TPRG1: variants seen among roughly 807,000 people sequenced by gnomAD.
TPRG1 encodes tumor protein p63 regulated 1.
TPRG1 carries 29 observed loss-of-function variants against 29.3 expected under a neutral mutation model. That is an observed-to-expected ratio of 0.99 (90% CI 0.74 to 1.35). The LOEUF (loss-of-function observed/expected upper bound fraction) is 1.35, where lower values mean the gene tolerates loss of function less well. TPRG1 is among the 40% of genes most tolerant of loss of function. The pLI is 0.00. For missense variants in TPRG1, 327 were observed against 335.0 expected, an observed-to-expected ratio of 0.98 and a Z score of 0.19; for synonymous variants, 130 against 116.8, an observed-to-expected ratio of 1.11 and a Z score of -0.73.
intron 5 of TPRG1, among the ~76,000 whole-genome samples, chr3:189,162,207 C>T (rs1257219093): frequency 6.6e-6 from 1 of 152,070 alleles, no homozygotes; most frequent in Non-Finnish European, 1.5e-5. Context: ...TCTTGGCAGG[C>T]TGGTCTTGAA....
chr3:189,157,016 A>G (rs973932700), intron 5 of TPRG1, among the ~76,000 whole-genome samples: 2 of 152,182 alleles, frequency 1.3e-5, no homozygotes, highest in African/African-American at 4.8e-5. Context: ...ATTGTAGTCA[A>G]AGAAGCTATG....
chr3:189,181,658 C>T (rs976323878), intron 1 of TPRG1, among the ~76,000 whole-genome samples: 13 of 152,198 alleles, frequency 8.5e-5, no homozygotes, highest in African/African-American at 2.7e-4. Context: ...GACCACTCAG[C>T]AAGTCTCTAA....
At chr3:189,060,895 A>G (rs940375051) in intron 4 of TPRG1, among the ~76,000 whole-genome samples, 2 of 152,064 alleles carry the variant, frequency 1.3e-5, no homozygotes, top group Non-Finnish European at 2.9e-5. Context: ...ATTCAACACT[A>G]CTCCTCTCAA....
rs1742575400 is a variant in TPRG1 at position 189,253,313 on chromosome 3, T to G, written c.479+14404T>G. ...CCACTCATGTGGTGTTTGGAACCAC[T>G]CATGGGAGTTCTCATATGAACTCCC... On this transcript the variant is annotated intron_variant, in intron 4 of 5. Transcript: ENST00000345063. 2.0e-5 allele frequency among the ~76,000 whole-genome samples: 3 copies of G among 152,174 alleles called. No homozygotes were observed. In the South Asian group the frequency reaches 6.2e-4, roughly 32 times the overall value.
At chr3:189,027,921 G>A (rs1009662013) in intron 4 of TPRG1, among the ~76,000 whole-genome samples, 15 of 152,058 alleles carry the variant, frequency 9.9e-5, no homozygotes, top group South Asian at 2.1e-4. Flanking sequence ...GAGAACTGAC[G>A]TAGTGGCCAT....
At chr3:189,116,055 G>T (rs1721125930) in intron 1 of TPRG1, among the ~76,000 whole-genome samples, 1 of 152,142 alleles carries the variant, frequency 6.6e-6, no homozygotes, top group Non-Finnish European at 1.5e-5. Context: ...AAATGGTATA[G>T]CCAGTATGGG....
intron 1 of TPRG1, 63 bp from the exon 2 acceptor site, chr3:189,207,313 A>G (rs1372550642): frequency 1.3e-6 from 2 of 1,575,464 alleles, no homozygotes; most frequent in South Asian, 2.3e-5. Flanking sequence ...CTGTTTTGCC[A>G]TAGCTAGGAC....
chr3:189,262,452 C>A (rs1713287100), intron 4 of TPRG1, among the ~76,000 whole-genome samples: 2 of 152,020 alleles, frequency 1.3e-5, no homozygotes, highest in African/African-American at 4.8e-5. Context: ...CAAGTGTCAT[C>A]TGTTGAGCAC....
intron 4 of TPRG1, among the ~76,000 whole-genome samples, chr3:189,056,098 T>C (rs1299858906): frequency 3.9e-5 from 5 of 128,988 alleles, no homozygotes; most frequent in African/African-American, 8.5e-5. Context: ...CCTTCCTTCC[T>C]TCCCTCTTTC....
chr3:189,058,916 CA>C (rs1184749239), intron 4 of TPRG1, among the ~76,000 whole-genome samples: 1 of 152,134 alleles, frequency 6.6e-6, no homozygotes, highest in African/African-American at 2.4e-5. Context: ...CAGATACCAG[CA>C]AGCAAGATCG....
intron 5 of TPRG1, chr3:189,315,552 G>C (rs1186966648): frequency 2.2e-6 from 1 of 454,428 alleles, no homozygotes; most frequent in Admixed American, 2.4e-5. Context: ...GAATAGCAGT[G>C]AACGCATTAT....
intron 1 of TPRG1, among the ~76,000 whole-genome samples, chr3:189,187,869 T>C (rs1461752948): frequency 6.6e-6 from 1 of 152,226 alleles, no homozygotes; most frequent in African/African-American, 2.4e-5. Context: ...TCTGAAAGCG[T>C]TGACGTAATT....
intron 1 of TPRG1, among the ~76,000 whole-genome samples, chr3:189,181,296 G>A (rs989857864): frequency 6.6e-6 from 1 of 152,178 alleles, no homozygotes; most frequent in African/African-American, 2.4e-5. Flanking sequence ...TCTGCAGCCA[G>A]CTTGAATTTC....
At chr3:189,199,220 C>A (rs184673511) in intron 1 of TPRG1, among the ~76,000 whole-genome samples, 1 of 152,316 alleles carries the variant, frequency 6.6e-6, no homozygotes, top group Non-Finnish European at 1.5e-5. Context: ...CAATCTTATT[C>A]CTGTGACCTT....
At chr3:189,087,163 C>A (rs765232362) in intron 4 of TPRG1, among the ~76,000 whole-genome samples, 9 of 152,186 alleles carry the variant, frequency 5.9e-5, no homozygotes, top group Admixed American at 4.6e-4. Context: ...TCCTCTCCAG[C>A]ACCTGTTTTT....
chr3:189,019,975 C>T (rs912403355), intron 3 of TPRG1, among the ~76,000 whole-genome samples: 94 of 151,252 alleles, frequency 6.2e-4, no homozygotes, highest in African/African-American at 2.1e-3. Context: ...GTGTATGTGT[C>T]GAGGAATTTA....
At chr3:189,287,354 A>G (rs1003157835) in intron 4 of TPRG1, among the ~76,000 whole-genome samples, 6 of 152,048 alleles carry the variant, frequency 3.9e-5, no homozygotes, top group Non-Finnish European at 8.8e-5. Context: ...GTGGATGGCA[A>G]AAGAAAAAAA....
chr3:189,154,253 T>G (rs1046826872), intron 5 of TPRG1, among the ~76,000 whole-genome samples: 11 of 152,310 alleles, frequency 7.2e-5, no homozygotes, highest in Middle Eastern at 3.4e-3. Context: ...AAAGTGAAGA[T>G]TATTACCCTT....
At chr3:189,037,360 C>G (rs1714338092) in intron 4 of TPRG1, among the ~76,000 whole-genome samples, 1 of 151,668 alleles carries the variant, frequency 6.6e-6, no homozygotes, top group Non-Finnish European at 1.5e-5. Flanking sequence ...ATCAATGTAA[C>G]AGTAGTAATT....
Sources: gnomAD v4.1 joint callset for allele counts (sites outside exome capture counted in the v4.1 genomes callset) on GRCh38, gnomAD v4.1.1 for gene constraint, MANE v1.5 for transcripts, NCBI Gene and HGNC (gene_info 2026-07-23, HGNC 2026-07-21) for gene names.